SLC25A33: variants seen among roughly 807,000 people sequenced by gnomAD.
The protein encoded by SLC25A33 is bone marrow stromal cell mitochondrial carrier protein.
In SLC25A33, 15 loss-of-function variants were observed where a neutral mutation model predicts 35.5. The ratio of observed to expected loss-of-function variants is 0.42; its 90% CI spans 0.28 to 0.65. The LOEUF is 0.65. Among genes scored for constraint, SLC25A33 ranks in the 30% least tolerant of loss-of-function variants. The pLI, the probability that SLC25A33 is intolerant of heterozygous loss-of-function variation, is 0.20. For synonymous variants in SLC25A33, 136 were observed against 148.7 expected (o/e 0.91, Z 0.62); for missense variants, 257 against 398.5 (o/e 0.64, Z 3.02).
intron 1 of SLC25A33, among the ~76,000 whole-genome samples, chr1:9,553,203 GTTTTTTTTTTTTT>G (rs550067186): frequency 3.5e-5 from 2 of 56,486 alleles, no homozygotes; most frequent in Non-Finnish European, 6.5e-5. Context: ...TTCTAGTTTT[GTTTTTTTTTTTTT>G]TTTTTTTTTT....
At position 9,580,862 on chromosome 1, in the gene SLC25A33, AAAAAATAATAAT is replaced by A. The variant is rs951549848; in HGVS notation, c.763+631_763+642del. ...AGAGCGAGACTCTGTCTCAAAAAAA[AAAAAATAATAAT>A]AATAATAATAATAATAATAATCATT... On this transcript the variant is annotated intron_variant, in intron 6 of 6. Transcript: ENST00000302692. Among the ~76,000 whole-genome samples the A allele has an allele frequency of 7.9e-5, 10 of 125,890 alleles. 1 individual carries two copies. In the South Asian group the frequency reaches 9.4e-4, roughly 12 times the overall value. 82.6% of individuals were successfully genotyped at this position (125,890 alleles called of 152,430 possible).
chr1:9,572,263 T>C (rs1169889022), intron 4 of SLC25A33, among the ~76,000 whole-genome samples: 2 of 152,158 alleles, frequency 1.3e-5, no homozygotes, highest in Admixed American at 6.5e-5. Flanking sequence ...TTTGTAACTT[T>C]TGCAAAGTTA....
chr1:9,562,858 A>G (rs1168161571), intron 2 of SLC25A33, among the ~76,000 whole-genome samples: 1 of 151,662 alleles, frequency 6.6e-6, no homozygotes, highest in African/African-American at 2.4e-5. Flanking sequence ...CCGTTTCAAA[A>G]AAAAAAAAAA....
intron 1 of SLC25A33, among the ~76,000 whole-genome samples, chr1:9,553,210 T>G (rs866224026): frequency 2.8e-3 from 370 of 134,186 alleles, no homozygotes; most frequent in Middle Eastern, 7.4e-3. Flanking sequence ...TTTGTTTTTT[T>G]TTTTTTTTTT....
intron 5 of SLC25A33, among the ~76,000 whole-genome samples, chr1:9,575,688 T>TTTTC (rs1643654001): frequency 6.6e-6 from 1 of 152,052 alleles, no homozygotes; most frequent in African/African-American, 2.4e-5. Flanking sequence ...CCCAGTTCAT[T>TTTTC]TTTCTTCCTA....
At chr1:9,558,226 G>A (rs778318407) in intron 2 of SLC25A33, among the ~76,000 whole-genome samples, 32 of 152,222 alleles carry the variant, frequency 2.1e-4, no homozygotes, top group Non-Finnish European at 3.2e-4. Context: ...ACAAGGCTGA[G>A]CCTCTGCTGC....
At chr1:9,562,854 CAAA>C (rs757742086) in intron 2 of SLC25A33, among the ~76,000 whole-genome samples, 1 of 56,162 alleles carries the variant, frequency 1.8e-5, no homozygotes, top group African/African-American at 6.5e-5. Context: ...AACTCCGTTT[CAAA>C]AAAAAAAAAA....
chr1:9,548,792 C>A (rs918297978), intron 1 of SLC25A33, among the ~76,000 whole-genome samples: 3 of 152,106 alleles, frequency 2.0e-5, no homozygotes, highest in African/African-American at 4.8e-5. Flanking sequence ...ATGTAACTGG[C>A]GGTTGAATAT....
At chr1:9,558,771 T>C (rs1278079290) in intron 2 of SLC25A33, among the ~76,000 whole-genome samples, 1 of 152,178 alleles carries the variant, frequency 6.6e-6, no homozygotes, top group Admixed American at 6.5e-5. Context: ...ATCTCACCTA[T>C]ATTGGTGCAT....
At chr1:9,566,968 C>T (rs959813556) in intron 2 of SLC25A33, among the ~76,000 whole-genome samples, 2 of 151,752 alleles carry the variant, frequency 1.3e-5, no homozygotes, top group Non-Finnish European at 2.9e-5. Context: ...GCAGAGGTTC[C>T]AGTGAGCCGA....
In SLC25A33 at chr1:9,551,003, T is replaced by C. The variant is rs115847216; in HGVS notation, c.57-2623T>C. Among the ~76,000 whole-genome samples, 1,026 of 152,224 alleles carry C rather than the reference T, an allele frequency of 6.7e-3. 11 individuals are homozygous for C. Among genetic ancestry groups the C allele is most frequent in the African/African-American group, 0.024 (983 of 41,516 alleles). ...ACTTCTATCTTTTTAAAAATATTCC[T>C]TATTATAGCCTATTTTCTTTAGATA... On this transcript the variant is annotated intron_variant, in intron 1 of 6. Coordinates refer to ENST00000302692, the MANE Select transcript of SLC25A33 (RefSeq NM_032315.3).
In SLC25A33 at chr1:9,579,936, T is replaced by G; in HGVS notation, c.483-18T>G. On this transcript the variant is annotated intron_variant, in intron 5 of 6. Transcript: ENST00000302692. ...TGATATGTCTCCTTAACAGCCTGTG[T>G]TGGTCTCTTTTATGCAGAGTGAGGG... The G allele has an allele frequency of 6.2e-7, 1 of 1,603,352 alleles. No individual in the cohort carries two copies. Among genetic ancestry groups the G allele is most frequent in the Non-Finnish European group, 8.5e-7 (1 of 1,175,392 alleles).
intron 5 of SLC25A33, 24 bp from the exon 6 acceptor site, chr1:9,579,930 C>G: frequency 2.5e-6 from 4 of 1,599,848 alleles, no homozygotes; most frequent in Non-Finnish European, 3.4e-6. Context: ...TCCTTAACAG[C>G]CTGTGTTGGT....
chr1:9,562,609 CT>C (rs1376424420), intron 2 of SLC25A33, among the ~76,000 whole-genome samples: 2 of 152,052 alleles, frequency 1.3e-5, no homozygotes, highest in Admixed American at 1.3e-4. Context: ...AATCTCAACA[CT>C]TTGGGAGGCC....
At chr1:9,542,214 T>A (rs1643095252) in intron 1 of SLC25A33, among the ~76,000 whole-genome samples, 1 of 152,148 alleles carries the variant, frequency 6.6e-6, no homozygotes, top group Non-Finnish European at 1.5e-5. Context: ...AATCTCCCTC[T>A]GTACCCTTCC....
In SLC25A33 at chr1:9,562,064, A is replaced by AAG. The variant is rs1553146522; in HGVS notation, c.237-5220_237-5219insAG. ...GACTCCGTCTCAAAAAAAAAAAAAA[A>AAG]GGGGCAATATTCGTGTTTCACGCCT... On this transcript the variant is annotated intron_variant, in intron 2 of 6. Coordinates refer to ENST00000302692, the MANE Select transcript of SLC25A33 (RefSeq NM_032315.3). 6.6e-4 allele frequency among the ~76,000 whole-genome samples: 99 copies of AAG among 150,212 alleles called. 2 individuals are homozygous for AAG. Among genetic ancestry groups the AAG allele is most frequent in the Middle Eastern group, 3.5e-3 (1 of 288 alleles).
At chr1:9,559,890 C>T (rs971917438) in intron 2 of SLC25A33, among the ~76,000 whole-genome samples, 7 of 152,164 alleles carry the variant, frequency 4.6e-5, no homozygotes, top group African/African-American at 1.7e-4. Context: ...AGGGTACAGG[C>T]TTTTGTCTTA....
intron 4 of SLC25A33, among the ~76,000 whole-genome samples, chr1:9,571,470 T>A (rs1643590070): frequency 6.6e-6 from 1 of 151,836 alleles, no homozygotes; most frequent in Non-Finnish European, 1.5e-5. Flanking sequence ...ATTTTTTGTA[T>A]TTTTAGTAGA....
intron 2 of SLC25A33, among the ~76,000 whole-genome samples, chr1:9,565,346 G>A (rs890137600): frequency 6.6e-6 from 1 of 150,740 alleles, no homozygotes; most frequent in Non-Finnish European, 1.5e-5. Context: ...GAAACCCTGT[G>A]TCTACTAAAA....
Sources: gnomAD v4.1 joint callset for allele counts (sites outside exome capture counted in the v4.1 genomes callset) on GRCh38, gnomAD v4.1.1 for gene constraint, MANE v1.5 for transcripts, NCBI Gene and HGNC (gene_info 2026-07-23, HGNC 2026-07-21) for gene names.